MSH3: variants seen among roughly 807,000 people sequenced by gnomAD.
The protein encoded by MSH3 is DNA mismatch repair protein Msh3.
In MSH3, 106 loss-of-function variants were observed where a neutral mutation model predicts 123.3. That is an observed-to-expected ratio of 0.86 (90% CI 0.73 to 1.01). The LOEUF (loss-of-function observed/expected upper bound fraction) is 1.01, where lower values mean the gene tolerates loss of function less well. Among genes scored for constraint, MSH3 ranks in the 50% least tolerant of loss-of-function variants. The pLI is 0.00. For synonymous variants in MSH3, 515 were observed against 481.4 expected, an observed-to-expected ratio of 1.07 and a Z score of -0.91; for missense variants, 1,459 against 1,347.6, an observed-to-expected ratio of 1.08 and a Z score of -1.29.
intron 11 of MSH3, among the ~76,000 whole-genome samples, chr5:80,741,874 G>A (rs1323369273): frequency 2.0e-5 from 3 of 151,650 alleles, no homozygotes; most frequent in African/African-American, 4.9e-5. Flanking sequence ...TGTCTACTTG[G>A]TTATATTTTT....
At chr5:80,825,319 G>A (rs1458956422) in intron 20 of MSH3, among the ~76,000 whole-genome samples, 1 of 152,112 alleles carries the variant, frequency 6.6e-6, no homozygotes, top group Non-Finnish European at 1.5e-5. Flanking sequence ...ATGCATGGAA[G>A]TATTTGGTAT....
intron 19 of MSH3, among the ~76,000 whole-genome samples, chr5:80,795,091 C>G (rs6151860): frequency 6.6e-6 from 1 of 152,120 alleles, no homozygotes; most frequent in Admixed American, 6.5e-5. Flanking sequence ...GAATGTAGAT[C>G]AGAGAAAGCT....
chr5:80,655,005 G>A (rs985800048), intron 1 of MSH3, 41 bp downstream of exon 1: 1 of 1,249,240 alleles, frequency 8.0e-7, no homozygotes, highest in Non-Finnish European at 1.1e-6. Flanking sequence ...TCGGGGCTGG[G>A]GGGGCGGGGC....
chr5:80,761,372 C>T (rs6151797), intron 12 of MSH3, among the ~76,000 whole-genome samples, 174 bp from the exon 13 acceptor site: 4 of 152,162 alleles, frequency 2.6e-5, no homozygotes, highest in Non-Finnish European at 4.4e-5. Flanking sequence ...TCAATGCATA[C>T]GCCCATTGGA....
chr5:80,784,235 A>T (rs1004266831), intron 17 of MSH3, among the ~76,000 whole-genome samples: 2 of 129,632 alleles, frequency 1.5e-5, no homozygotes, highest in South Asian at 2.3e-4. Context: ...AAAAAAAAAA[A>T]AAAAGGGAAA....
chr5:80,704,709 A>G (rs984890720), intron 8 of MSH3, among the ~76,000 whole-genome samples: 16 of 152,172 alleles, frequency 1.1e-4, no homozygotes, highest in African/African-American at 3.9e-4. Context: ...TTCTAATTTG[A>G]TTTGATGTAT....
chr5:80,817,477 G>A (rs749558333), intron 20 of MSH3, among the ~76,000 whole-genome samples: 9 of 152,104 alleles, frequency 5.9e-5, no homozygotes, highest in Non-Finnish European at 1.2e-4. Context: ...TGAGGGACTT[G>A]TTTTTTGTTT....
chr5:80,693,584 TATAA>T (rs1297555135), intron 8 of MSH3, among the ~76,000 whole-genome samples: 1 of 112,794 alleles, frequency 8.9e-6, no homozygotes. Context: ...TGCACATGTA[TATAA>T]ATATATATAA....
At chr5:80,786,618 TACTTAA>T (rs989783624) in intron 17 of MSH3, among the ~76,000 whole-genome samples, 7 of 152,232 alleles carry the variant, frequency 4.6e-5, no homozygotes, top group Non-Finnish European at 8.8e-5. Context: ...TATTTCCTGT[TACTTAA>T]AAAGATACTT....
intron 20 of MSH3, among the ~76,000 whole-genome samples, chr5:80,820,602 G>C (rs1056293302): frequency 1.3e-5 from 2 of 152,062 alleles, no homozygotes; most frequent in Non-Finnish European, 2.9e-5. Flanking sequence ...ACATAACTCT[G>C]TTTCTTAGTC....
intron 10 of MSH3, 87 bp from the exon 11 acceptor site, chr5:80,741,377 G>A: frequency 1.1e-6 from 1 of 879,638 alleles, no homozygotes; most frequent in Non-Finnish European, 1.9e-6. Flanking sequence ...TTGCCATAAT[G>A]TAGCTGGCAT....
chr5:80,805,218 A>G (rs941408925), intron 19 of MSH3, among the ~76,000 whole-genome samples: 2 of 152,188 alleles, frequency 1.3e-5, no homozygotes, highest in South Asian at 2.1e-4. Context: ...CTGGCTCTCA[A>G]AGTTGTAGCC....
intron 2 of MSH3, among the ~76,000 whole-genome samples, chr5:80,658,616 A>G (rs141575303): frequency 1.8e-3 from 269 of 151,824 alleles, no homozygotes; most frequent in Admixed American, 5.6e-3. Context: ...TTTTTTAGAG[A>G]CAGGTCTTAC....
At chr5:80,730,896 T>A (rs61524450) in intron 10 of MSH3, among the ~76,000 whole-genome samples, 7,144 of 66,792 alleles carry the variant, frequency 0.11, 166 homozygotes, top group Non-Finnish European at 0.13. Flanking sequence ...ATATATATAT[T>A]TTTTTTTTTT....
chr5:80,787,498 T>C (rs1016486116), intron 17 of MSH3, 67 bp from the exon 18 acceptor site: 1 of 977,172 alleles, frequency 1.0e-6, no homozygotes, highest in African/African-American at 1.6e-5. Context: ...GATTGCTTGT[T>C]GTAGAGCTAT....
intron 8 of MSH3, among the ~76,000 whole-genome samples, chr5:80,698,343 C>T (rs939132250): frequency 1.3e-5 from 2 of 152,184 alleles, no homozygotes; most frequent in Non-Finnish European, 2.9e-5. Context: ...AGCTTTGTTA[C>T]TAGGTGGCAA....
rs1580091609 is a variant in MSH3, at chr5:80,854,279, C to T, written c.2963C>T (p.Ala988Val). The T allele has an allele frequency of 1.2e-6, 2 of 1,613,692 alleles. No individual in the cohort carries two copies. Among genetic ancestry groups the T allele is most frequent in the Admixed American group, 3.3e-5 (2 of 59,972 alleles). The part of the protein sequence containing the change: ...GRGTSTHDGI[A>V]IAYATLEYFI... ...GGGACGAGCACTCATGATGGAATTG[C>T]CATTGCCTATGCTACACTTGAGTAT... Residue 988 changes from alanine to valine, a missense_variant, in exon 21 of 24, where the codon GCC (alanine) becomes GTC (valine). Physicochemically the swap from Ala to Val is moderately conservative, Grantham distance 64 (BLOSUM62 0). Coordinates refer to ENST00000265081, the MANE Select transcript of MSH3 (RefSeq NM_002439.5).
intron 17 of MSH3, among the ~76,000 whole-genome samples, chr5:80,781,296 C>T (rs1744405116): frequency 6.6e-6 from 1 of 152,058 alleles, no homozygotes; most frequent in Non-Finnish European, 1.5e-5. Context: ...CTAGAAGGGT[C>T]CTGGGATTTG....
At chr5:80,694,216 T>A (rs1750417219) in intron 8 of MSH3, among the ~76,000 whole-genome samples, 1 of 152,170 alleles carries the variant, frequency 6.6e-6, no homozygotes, top group African/African-American at 2.4e-5. Flanking sequence ...TTGGAAAATA[T>A]ATATGTATTC....
Sources: gnomAD v4.1 joint callset for allele counts (sites outside exome capture counted in the v4.1 genomes callset) on GRCh38, gnomAD v4.1.1 for gene constraint, MANE v1.5 for transcripts, NCBI Gene and HGNC (gene_info 2026-07-23, HGNC 2026-07-21) for gene names.